Variants in TOR3A observed in about 807,000 individuals in gnomAD.
The protein encoded by TOR3A is torsin family 3 member A, also known as torsin-3A.
A neutral mutation model predicts 42.1 loss-of-function variants in TOR3A; 44 were observed. The ratio of observed to expected loss-of-function variants is 1.04; its 90% CI spans 0.82 to 1.34. TOR3A has a LOEUF of 1.34. TOR3A is among the 40% of genes most tolerant of loss of function. The pLI, the probability that TOR3A is intolerant of heterozygous loss-of-function variation, is 0.00. For synonymous variants in TOR3A, 227 were observed against 213.2 expected (o/e 1.06, Z -0.57); for missense variants, 521 against 507.6 (o/e 1.03, Z -0.25).
intron 3 of TOR3A, 91 bp downstream of exon 3, chr1:179,085,984 A>G: frequency 2.0e-6 from 3 of 1,507,734 alleles, no homozygotes; most frequent in Non-Finnish European, 2.7e-6. Context: ...GCTCTGGAGA[A>G]GCCTGGGGAG....
chr1:179,087,919 G>T lies in TOR3A; in HGVS notation c.648G>T (p.Leu216=), dbSNP rs758130847. The T allele has an allele frequency of 1.3e-6, 2 of 1,588,166 alleles. No individual in the cohort carries two copies. The highest frequency in any genetic ancestry group is 2.3e-5 in the South Asian group (2 of 87,162). Residue 216 remains leucine (L), a synonymous_variant, in exon 4 of 6, where the codon CTG becomes CTT. Transcript: ENST00000367627. ...CCCTATATCCCGTGCAGGAGCAGCT[G>T]ATGAGCCAGATCCGGGAGACGCAGC... ...PKYVDLYKEQ[L]MSQIRETQQL... is the part of the protein sequence containing the mutation.
chr1:179,085,439 A>AG (rs1249571153), intron 2 of TOR3A, 189 bp from the exon 3 acceptor site: 1 of 687,720 alleles, frequency 1.5e-6, no homozygotes, highest in African/African-American at 1.8e-5. Flanking sequence ...AAAAAAAAAA[A>AG]GAAAGTAGTC....
intron 4 of TOR3A, among the ~76,000 whole-genome samples, chr1:179,090,622 C>G (rs879672344): frequency 6.6e-6 from 1 of 152,180 alleles, no homozygotes; most frequent in Non-Finnish European, 1.5e-5. Context: ...CTCCTGGTGG[C>G]AGGAGAGAGG....
rs181305949 is a variant in TOR3A, at chr1:179,088,278, C to T, written c.818+189C>T. The T allele has an allele frequency of 1.8e-5, 9 of 496,598 alleles. No individual in the cohort carries two copies. In the East Asian group the frequency reaches 3.3e-4, roughly 18 times the overall value. 30.8% of individuals were successfully genotyped at this position (496,598 alleles called of 1,614,324 possible). On this transcript the variant is annotated intron_variant, in intron 4 of 5. Transcript: ENST00000367627. Reference sequence around the variant, plus strand: ...ATCCCAGCACTTTGGGAGGCCAAGGCGGCCGGGTCCCTTGAGTCCAGGAGT... The same window carrying T: ...ATCCCAGCACTTTGGGAGGCCAAGGTGGCCGGGTCCCTTGAGTCCAGGAGT...
At chr1:179,091,235 G>A (rs901701242) in intron 4 of TOR3A, among the ~76,000 whole-genome samples, 1 of 152,202 alleles carries the variant, frequency 6.6e-6, no homozygotes, top group East Asian at 1.9e-4. Context: ...GGAGACGGGG[G>A]ATGAGGGCTG....
intron 3 of TOR3A, 77 bp downstream of exon 3, chr1:179,085,970 A>G (rs773712060): frequency 5.2e-6 from 8 of 1,549,300 alleles, no homozygotes; most frequent in Non-Finnish European, 7.0e-6. Context: ...TTGCAAGGAA[A>G]TGGGCTCTGG....
intron 1 of TOR3A, chr1:179,082,672 A>G: frequency 1.4e-6 from 1 of 693,466 alleles, no homozygotes; most frequent in Non-Finnish European, 2.6e-6. Context: ...CGCCTGTGCC[A>G]TCTCCCAGCC....
At position 179,095,046 on chromosome 1, in the gene TOR3A, G is replaced by A. The variant is rs557956585; in HGVS notation, c.1022G>A (p.Arg341His). 8.6e-5 allele frequency: 139 copies of A among 1,614,172 alleles called. No individual in the cohort carries two copies. In the South Asian group the frequency reaches 1.3e-3, roughly 16 times the overall value. ...ATCCCCTTCCTGCCTTTGGAGTACC[G>A]TCACGTGAGGCTGTGTGCACGGGAT... ...YFIPFLPLEY[R>H]HVRLCARDAF... Residue 341 changes from arginine to histidine, a missense_variant, in exon 6 of 6, where the codon CGT (arginine) becomes CAT (histidine). Transcript: ENST00000367627.
At chr1:179,085,209 G>A (rs1158672036) in intron 2 of TOR3A, among the ~76,000 whole-genome samples, 16 of 152,146 alleles carry the variant, frequency 1.1e-4, no homozygotes, top group Admixed American at 9.8e-4. Flanking sequence ...GGCGGATCTC[G>A]AGGTCAGGAG....
At position 179,094,215 on chromosome 1, in the gene TOR3A, T is replaced by G. The variant is rs368147055; in HGVS notation, c.941T>G (p.Ile314Arg). 1 of 1,612,150 alleles carries G rather than the reference T, an allele frequency of 6.2e-7. No homozygotes were observed. Among genetic ancestry groups the G allele is most frequent in the Non-Finnish European group, 8.5e-7 (1 of 1,179,332 alleles). The change falls in exon 5 of 6, where the codon ATA becomes AGA. Residue 314 changes from isoleucine to arginine, a missense_variant and splice_region_variant. Ile to Arg is a moderately conservative substitution (Grantham distance 97). Transcript: ENST00000367627. ...PHLQAEIVET[I>R]DNGFGHSRLV... is the part of the protein sequence containing the mutation. ...CTCCAGGCGGAGATTGTGGAGACCA[T>G]AGGTGAGTAACTGACTCAATATGCC... is the stretch of plus-strand genomic sequence containing the variant.
rs1309559349 is a variant in TOR3A, at chr1:179,095,855, A to ACAAACC, written c.*638_*643dup. On this transcript the variant is annotated 3_prime_UTR_variant, in exon 6 of 6. Transcript: ENST00000367627. ...AAAAGTACACAGAGGAAGATATTTT[A>ACAAACC]CAAACCAGGTCAGTGTAGGCCAAGA... 16 of 985,516 alleles carry ACAAACC rather than the reference A, an allele frequency of 1.6e-5. 1 individual carries two copies. The highest frequency in any genetic ancestry group is 3.5e-5 in the African/African-American group (2 of 56,970). The allele number at this position is 985,516 out of a possible 1,614,324, so 61.0% of individuals were successfully genotyped here. A position where few individuals can be genotyped will look rare whatever the true frequency, so the allele number is the denominator to read the frequency against.
rs915378993 is a variant in TOR3A at position 179,094,027 on chromosome 1, C to T, written c.819-66C>T. On this transcript the variant is annotated intron_variant, in intron 4 of 5. Coordinates refer to ENST00000367627, the MANE Select transcript of TOR3A (RefSeq NM_022371.4). ...CCAGGCACTAATGCATTGGTTTCAGCGGTGAGATAACATATATGGAAGCTA... is the reference window on the plus strand; with the variant it reads ...CCAGGCACTAATGCATTGGTTTCAGTGGTGAGATAACATATATGGAAGCTA... The T allele has an allele frequency of 1.1e-4, 176 of 1,561,018 alleles. 1 individual carries two copies. In the Middle Eastern group the frequency reaches 1.9e-3, roughly 17 times the overall value.
chr1:179,087,819 G>A (rs1413246166), intron 3 of TOR3A, 92 bp from the exon 4 acceptor site: 4 of 1,263,400 alleles, frequency 3.2e-6, no homozygotes, highest in Middle Eastern at 2.9e-4. Flanking sequence ...GCCCCAGGGG[G>A]TCCATTGCAC....
rs774354117 is a variant in TOR3A at position 179,094,081 on chromosome 1, T to C, written c.819-12T>C. On this transcript the variant is annotated splice_polypyrimidine_tract_variant and intron_variant, in intron 4 of 5. Coordinates refer to ENST00000367627, the MANE Select transcript of TOR3A (RefSeq NM_022371.4). ...ATAAACAAATGGGTTAACAAGCTCT[T>C]GTCTCTTTCAGTAATCTCAGGGGCG... 3.7e-6 allele frequency: 6 copies of C among 1,610,724 alleles called. No individual in the cohort carries two copies. The highest frequency in any genetic ancestry group is 5.1e-6 in the Non-Finnish European group (6 of 1,178,772).
At chr1:179,086,486 G>A (rs1652437074) in intron 3 of TOR3A, among the ~76,000 whole-genome samples, 1 of 152,160 alleles carries the variant, frequency 6.6e-6, no homozygotes, top group South Asian at 2.1e-4. Flanking sequence ...CTAACACGGT[G>A]AAACCCCGTC....
At position 179,085,484 on chromosome 1, in the gene TOR3A, G is replaced by A. The variant is rs1031378426; in HGVS notation, c.374-144G>A. On this transcript the variant is annotated intron_variant, in intron 2 of 5. Transcript: ENST00000367627. ...CTTCTGCTACAAAGTCTGCCCTCTG[G>A]CTTCTTATTCTAAGGCCAAACAGGA... 6 of 1,004,930 alleles carry A rather than the reference G, an allele frequency of 6.0e-6. No individual in the cohort carries two copies. In the Admixed American group the frequency reaches 6.8e-5, roughly 11 times the overall value. The allele number at this position is 1,004,930 out of a possible 1,614,324, so 62.3% of individuals were successfully genotyped here.
intron 1 of TOR3A, chr1:179,082,625 C>T (rs1652321522): frequency 1.4e-6 from 1 of 710,596 alleles, no homozygotes; most frequent in Non-Finnish European, 2.5e-6. Context: ...CGTCCCCCGC[C>T]TCCCCTGATC....
chr1:179,090,716 G>A (rs532045551), intron 4 of TOR3A, among the ~76,000 whole-genome samples: 1 of 152,276 alleles, frequency 6.6e-6, no homozygotes, highest in African/African-American at 2.4e-5. Context: ...CGGTGACTGG[G>A]CACCAGGAAA....
At position 179,095,247 on chromosome 1, in the gene TOR3A, C is replaced by G. The variant is rs1282581337; in HGVS notation, c.*29C>G. ...CTAGAGGAAGACTTCCTGGAACTGC[C>G]TTTCTTCCACTAACAGGACCCTGGG... On this transcript the variant is annotated 3_prime_UTR_variant, in exon 6 of 6. Transcript: ENST00000367627. 5 of 1,611,630 alleles carry G rather than the reference C, an allele frequency of 3.1e-6. No individual in the cohort carries two copies. In the East Asian group the frequency reaches 1.1e-4, roughly 36 times the overall value.
Sources: allele counts gnomAD v4.1 joint callset (sites outside exome capture counted in the v4.1 genomes callset), GRCh38; gene constraint gnomAD v4.1.1; transcripts MANE v1.5; gene names NCBI Gene and HGNC (gene_info 2026-07-23, HGNC 2026-07-21).